The following AKAP8L variants were observed in gnomAD, a reference collection of about 807,000 sequenced individuals.
AKAP8L encodes A-kinase anchor protein 8-like.
AKAP8L carries 34 observed loss-of-function variants against 77.5 expected under a neutral mutation model. The ratio of observed to expected loss-of-function variants is 0.44; its 90% CI spans 0.33 to 0.58. AKAP8L has a LOEUF of 0.58. Ranked by LOEUF, AKAP8L falls within the 20% of genes least tolerant of loss-of-function variation. The probability of loss-of-function intolerance (pLI) is 0.02; values close to 1 mark genes in which losing one functional copy is unlikely to be tolerated. For synonymous variants in AKAP8L, 342 were observed against 340.7 expected, an observed-to-expected ratio of 1.00 and a Z score of -0.04; for missense variants, 806 against 887.6, an observed-to-expected ratio of 0.91 and a Z score of 1.17.
intron 12 of AKAP8L, among the ~76,000 whole-genome samples, chr19:15,391,457 CAAAAAAAAAAA>C (rs1163781609): frequency 5.7e-5 from 2 of 34,918 alleles, no homozygotes; most frequent in Non-Finnish European, 9.3e-5. Flanking sequence ...GACTCTGTCT[CAAAAAAAAAAA>C]AAAAAAAAAA....
intron 12 of AKAP8L, among the ~76,000 whole-genome samples, chr19:15,393,042 C>A (rs1967696902): frequency 6.6e-6 from 1 of 151,956 alleles, no homozygotes. Context: ...TAGCTATGGT[C>A]AACTGACTTT....
Position 15,401,560 on chromosome 19 carries a change from C to G in AKAP8L, c.406G>C (p.Glu136Gln). ...TAGCCTGACCGGTACAGGTCGCGCT[C>G]ACTCAGGACGGCCCTCGAGTCGCAG... Reference protein sequence around the residue: ...ESCDSRAVLSERDLYRSGYDY... With the variant: ...ESCDSRAVLSQRDLYRSGYDY... Residue 136 changes from glutamate (E) to glutamine (Q), a missense_variant, in exon 5 of 14, where the codon GAG (glutamate) becomes CAG (glutamine). Coordinates refer to ENST00000397410, the MANE Select transcript of AKAP8L (RefSeq NM_014371.4). The surrounding 1 kb of genome is among the most constrained non-coding windows in gnomAD (Gnocchi z 6.2). 1 of 1,612,270 alleles carries G rather than the reference C, an allele frequency of 6.2e-7. No individual in the cohort carries two copies. The highest frequency in any genetic ancestry group is 8.5e-7 in the Non-Finnish European group (1 of 1,179,394).
chr19:15,403,028 G>A lies in AKAP8L; in HGVS notation c.362+447C>T, dbSNP rs1418981017. The stretch of plus-strand genomic sequence containing the variant: ...GAGTAACCAGGAAATGCCCACACCT[G>A]CCCCGACCCTTACGTGGGGGTGGCC... On this transcript the variant is annotated intron_variant, in intron 4 of 13. Coordinates refer to ENST00000397410, the MANE Select transcript of AKAP8L (RefSeq NM_014371.4). This position sits in a 1 kb window ranked among gnomAD's most constrained non-coding sequence, Gnocchi z 4.3. Among the ~76,000 whole-genome samples the A allele has an allele frequency of 2.6e-5, 4 of 152,154 alleles. No individual in the cohort carries two copies. Among genetic ancestry groups the A allele is most frequent in the African/African-American group, 9.7e-5 (4 of 41,438 alleles).
chr19:15,392,313 T>C (rs893301540), intron 12 of AKAP8L, among the ~76,000 whole-genome samples: 3 of 151,712 alleles, frequency 2.0e-5, no homozygotes, highest in South Asian at 2.1e-4. Flanking sequence ...CTGGGCAACA[T>C]GGTGAAACCC....
At chr19:15,389,498 C>T (rs546762492) in intron 12 of AKAP8L, among the ~76,000 whole-genome samples, 3 of 152,250 alleles carry the variant, frequency 2.0e-5, no homozygotes, top group African/African-American at 4.8e-5. Context: ...TCAGGCCGGG[C>T]GTGGTGGCTC....
In AKAP8L at chr19:15,401,483, G is replaced by GT; in HGVS notation, c.482dup (p.Tyr161Ter). 6.2e-7 allele frequency: 1 copy of GT among 1,613,852 alleles called. No individual in the cohort carries two copies. The highest frequency in any genetic ancestry group is 8.5e-7 in the Non-Finnish European group (1 of 1,179,894). ...PEMEMAYEGQYDAYRDQFRMR... is the reference protein window; with the variant it reads ...PEMEMAYEGQ ...TGCGGAACTGGTCGCGGTAGGCATC[G>GT]TATTGGCCCTCATAGGCCATTTCCA... Residue 161 changes from tyrosine to a stop codon, truncating the protein, a stop_gained and frameshift_variant, in exon 5 of 14, where the codon TAC (tyrosine) becomes TAAC (stop). Transcript: ENST00000397410. LOFTEE classifies it high-confidence loss of function. This position sits in a 1 kb window ranked among gnomAD's most constrained non-coding sequence, Gnocchi z 6.2.
chr19:15,388,831 G>C (rs998558928), intron 12 of AKAP8L, among the ~76,000 whole-genome samples: 1 of 151,838 alleles, frequency 6.6e-6, no homozygotes, highest in African/African-American at 2.4e-5. Flanking sequence ...CAGGAGAATG[G>C]CATGAACCTG....
intron 12 of AKAP8L, among the ~76,000 whole-genome samples, chr19:15,385,185 GC>G (rs970406996): frequency 9.9e-5 from 15 of 152,062 alleles, no homozygotes; most frequent in African/African-American, 3.4e-4. Context: ...CACCGTTTTA[GC>G]CGGGATGGTC....
chr19:15,380,447 G>A lies in AKAP8L; in HGVS notation c.1633-17C>T. On this transcript the variant is annotated splice_polypyrimidine_tract_variant and intron_variant, in intron 13 of 13. Coordinates refer to ENST00000397410, the MANE Select transcript of AKAP8L (RefSeq NM_014371.4). ...GTTCTCGCCCTGTGGGGAGGGGCGC[G>A]GACACTGAAGGGAGGGAGCACAGGC... 6 of 1,609,936 alleles carry A rather than the reference G, an allele frequency of 3.7e-6. No individual in the cohort carries two copies. Among genetic ancestry groups the A allele is most frequent in the East Asian group, 2.2e-5 (1 of 44,796 alleles).
chr19:15,418,856 G>A (rs751343490), intron 1 of AKAP8L, 55 bp downstream of exon 1: 120 of 1,542,488 alleles, frequency 7.8e-5, no homozygotes, highest in Non-Finnish European at 9.4e-5. Flanking sequence ...TGCGGCATCC[G>A]CACGTCCCTG....
intron 2 of AKAP8L, among the ~76,000 whole-genome samples, chr19:15,409,075 A>G (rs1968059010): frequency 6.6e-6 from 1 of 152,216 alleles, no homozygotes; most frequent in South Asian, 2.1e-4. Context: ...AGAAAATTCT[A>G]AAGAAAATAT....
intron 1 of AKAP8L, among the ~76,000 whole-genome samples, chr19:15,412,156 C>CA (rs1241137805): frequency 2.0e-5 from 3 of 151,954 alleles, no homozygotes; most frequent in Non-Finnish European, 4.4e-5. Context: ...TGCAGTGAGC[C>CA]AAAATCATGC....
intron 12 of AKAP8L, among the ~76,000 whole-genome samples, chr19:15,392,694 C>T (rs1250348571): frequency 1.3e-5 from 2 of 151,230 alleles, no homozygotes; most frequent in Non-Finnish European, 2.9e-5. Context: ...GTCAGGAGTT[C>T]AAGACCAGCC....
chr19:15,382,796 C>T (rs1369454488), intron 12 of AKAP8L, among the ~76,000 whole-genome samples: 2 of 152,292 alleles, frequency 1.3e-5, no homozygotes, highest in East Asian at 1.9e-4. Flanking sequence ...ATTTCACTTG[C>T]GACCAGCCAC....
intron 1 of AKAP8L, among the ~76,000 whole-genome samples, chr19:15,414,059 C>CTTT (rs755252182): frequency 2.4e-3 from 290 of 119,886 alleles, no homozygotes; most frequent in Middle Eastern, 5.4e-3. Context: ...ATGAATAATT[C>CTTT]TTTTTTTTTT....
chr19:15,402,596 A>G (rs1260241348), intron 4 of AKAP8L, among the ~76,000 whole-genome samples: 1 of 152,216 alleles, frequency 6.6e-6, no homozygotes, highest in East Asian at 1.9e-4. Context: ...AGCCCATGGC[A>G]TCAAATCCCC....
chr19:15,381,579 G>C (rs1278393343), intron 12 of AKAP8L, among the ~76,000 whole-genome samples: 1 of 152,034 alleles, frequency 6.6e-6, no homozygotes, highest in East Asian at 1.9e-4. Context: ...ACATGTTTCA[G>C]AAAGCCTTCT....
Position 15,414,059 on chromosome 19 carries a change from CTTTTTTTTTT to C in AKAP8L, c.14-3475_14-3466del, listed in dbSNP as rs755252182. On this transcript the variant is annotated intron_variant, in intron 1 of 13. Transcript: ENST00000397410. ...GTTTTGGCTCCTATTATGAATAATT[CTTTTTTTTTT>C]TTTTTTTTTTTTGAGACGGAGTTTC... 1.1e-3 allele frequency among the ~76,000 whole-genome samples: 129 copies of C among 119,986 alleles called. No homozygotes were observed. In the Middle Eastern group the frequency reaches 0.038, roughly 35 times the overall value. 78.7% of individuals were successfully genotyped at this position (119,986 alleles called of 152,430 possible). A position where few individuals can be genotyped will look rare whatever the true frequency, so the allele number is the denominator to read the frequency against.
chr19:15,407,620 T>C (rs1024195507), intron 2 of AKAP8L, among the ~76,000 whole-genome samples: 1 of 152,198 alleles, frequency 6.6e-6, no homozygotes, highest in African/African-American at 2.4e-5. Context: ...ATATCAGCAA[T>C]GAATGGAAAG....
Sources: allele counts gnomAD v4.1 joint callset (sites outside exome capture counted in the v4.1 genomes callset), GRCh38; gene constraint gnomAD v4.1.1; non-coding constraint Gnocchi (gnomAD v3.1); transcripts MANE v1.5; gene names NCBI Gene and HGNC (gene_info 2026-07-23, HGNC 2026-07-21).